The following DNAH9 variants were observed in gnomAD, a reference collection of about 807,000 sequenced individuals.
DNAH9 encodes DNAH9 variant protein.
A neutral mutation model predicts 471.6 loss-of-function variants in DNAH9; 345 were observed. That is an observed-to-expected ratio of 0.73 (90% CI 0.67 to 0.80). The LOEUF is 0.80. DNAH9 is among the 30% of genes least tolerant of loss of function. DNAH9 has a pLI of 0.00. For synonymous variants in DNAH9, 2,093 were observed against 2,123.6 expected, an observed-to-expected ratio of 0.99 and a Z score of 0.40; for missense variants, 5,407 against 5,609.2, an observed-to-expected ratio of 0.96 and a Z score of 1.15.
intron 36 of DNAH9, among the ~76,000 whole-genome samples, chr17:11,765,179 A>G (rs910777803): frequency 3.1e-4 from 47 of 152,318 alleles, no homozygotes; most frequent in African/African-American, 1.1e-3. Flanking sequence ...GCATGAATAC[A>G]TGCAAGGTAC....
chr17:11,800,300 C>G (rs1266705082), intron 43 of DNAH9, among the ~76,000 whole-genome samples: 1 of 151,756 alleles, frequency 6.6e-6, no homozygotes, highest in Non-Finnish European at 1.5e-5. Flanking sequence ...GTCCCTACAC[C>G]TGCGCCCTGG....
intron 65 of DNAH9, among the ~76,000 whole-genome samples, chr17:11,934,673 T>C (rs1310644203): frequency 6.6e-6 from 1 of 151,978 alleles, no homozygotes; most frequent in East Asian, 1.9e-4. Flanking sequence ...AGGATGGTCT[T>C]GATCTCCTGA....
intron 39 of DNAH9, 64 bp from the exon 40 acceptor site, chr17:11,783,582 T>G (rs937340625): frequency 2.0e-5 from 26 of 1,326,872 alleles, no homozygotes; most frequent in Non-Finnish European, 2.6e-5. Flanking sequence ...TACCGCACCT[T>G]GACAAAGCAC....
chr17:11,749,618 C>G (rs1967065753), intron 32 of DNAH9, among the ~76,000 whole-genome samples: 1 of 151,872 alleles, frequency 6.6e-6, no homozygotes, highest in African/African-American at 2.4e-5. Flanking sequence ...TTTACATTAA[C>G]ATTTTTTATC....
In DNAH9 at chr17:11,875,004, C is replaced by T. The variant is rs1972420416; in HGVS notation, c.10298C>T (p.Ala3433Val). 1 of 1,614,142 alleles carries T rather than the reference C, an allele frequency of 6.2e-7. No individual in the cohort carries two copies. The highest frequency in any genetic ancestry group is 8.5e-7 in the Non-Finnish European group (1 of 1,180,018). ...CCCCTGAGGATGCTGATGGATGATG[C>T]TGACGTGGCTGCCTGGCAGAACGAG... is the stretch of plus-strand genomic sequence containing the variant. ...LDPLRMLMDD[A>V]DVAAWQNEGL... is the part of the protein sequence containing the mutation. The change falls in exon 53 of 69, where the codon GCT (alanine) becomes GTT (valine). Residue 3433 changes from alanine to valine, a missense_variant. This residue lies in a region of DNAH9 where 4,636 missense variants were observed against 4,900.3 expected (regional missense o/e 0.95). Transcript: ENST00000262442.
At chr17:11,722,447 G>A (rs1485887065) in intron 27 of DNAH9, among the ~76,000 whole-genome samples, 1 of 152,198 alleles carries the variant, frequency 6.6e-6, no homozygotes, top group African/African-American at 2.4e-5. Context: ...TCAAACCAGA[G>A]GGAATGAGGA....
chr17:11,653,569 TA>T (rs1486891991), intron 14 of DNAH9, among the ~76,000 whole-genome samples: 1 of 152,186 alleles, frequency 6.6e-6, no homozygotes, highest in Non-Finnish European at 1.5e-5. Flanking sequence ...GAAAGGATTA[TA>T]AATGGCCACC....
intron 67 of DNAH9, among the ~76,000 whole-genome samples, chr17:11,955,699 G>T (rs1309570216): frequency 1.3e-5 from 2 of 152,198 alleles, no homozygotes; most frequent in Non-Finnish European, 2.9e-5. Flanking sequence ...AGAAACCCAT[G>T]TACAGGTTTC....
rs140559648 is a variant in DNAH9 at position 11,631,084 on chromosome 17, C to A, written c.1518+1500C>A. 2.0e-5 allele frequency among the ~76,000 whole-genome samples: 3 copies of A among 151,998 alleles called. No homozygotes were observed. In the East Asian group the frequency reaches 5.8e-4, roughly 30 times the overall value. ...TTTCTGATCTGAACCTGGTTCCTAA[C>A]AGAACACATAGGATAAGGAAAGGAC... On this transcript the variant is annotated intron_variant, in intron 7 of 68. Coordinates refer to ENST00000262442, the MANE Select transcript of DNAH9 (RefSeq NM_001372.4).
At position 11,807,632 on chromosome 17, in the gene DNAH9, G is replaced by C; in HGVS notation, c.8421-100G>C. On this transcript the variant is annotated intron_variant, in intron 43 of 68. Coordinates refer to ENST00000262442, the MANE Select transcript of DNAH9 (RefSeq NM_001372.4). ...TTTCCCACAGCTCAGCCTGTGACGT[G>C]CCTCCAAGGAAGGCCCCTGCTCCCA... 2.3e-6 allele frequency: 3 copies of C among 1,286,276 alleles called. No individual in the cohort carries two copies. The South Asian group carries it at 4.3e-5, about 19-fold the overall frequency. The allele number at this position is 1,286,276 out of a possible 1,614,324, so 79.7% of individuals were successfully genotyped here.
At chr17:11,906,542 G>T (rs11651926) in intron 61 of DNAH9, among the ~76,000 whole-genome samples, 3 of 151,024 alleles carry the variant, frequency 2.0e-5, no homozygotes, top group Admixed American at 1.3e-4. Flanking sequence ...CAGGAGAATC[G>T]CTGGAACCTG....
intron 39 of DNAH9, among the ~76,000 whole-genome samples, chr17:11,781,848 C>CA (rs1393158154): frequency 2.0e-4 from 25 of 122,258 alleles, no homozygotes; most frequent in South Asian, 2.8e-4. Context: ...AAAAAACAAA[C>CA]AAAAAAAAAA....
rs771478866 is a variant in DNAH9, at chr17:11,608,240, C to G, written c.529C>G (p.Leu177Val). Residue 177 changes from leucine to valine, a missense_variant, in exon 2 of 69, where the codon CTT (leucine) becomes GTT (valine). Leu to Val is a conservative substitution (Grantham distance 32). Coordinates refer to ENST00000262442, the MANE Select transcript of DNAH9 (RefSeq NM_001372.4). Reference sequence around the variant, plus strand: ...CCTCCAATGTGACCTCTCAGTTATACTTGAGCAAGTGAAGGGAAAAACTTT... The same window carrying G: ...CCTCCAATGTGACCTCTCAGTTATAGTTGAGCAAGTGAAGGGAAAAACTTT... ...HSLQCDLSVI[L>V]EQVKGKTLLP... 3.7e-6 allele frequency: 6 copies of G among 1,613,860 alleles called. No individual in the cohort carries two copies. In the African/African-American group the frequency reaches 6.7e-5, roughly 18 times the overall value.
intron 52 of DNAH9, among the ~76,000 whole-genome samples, chr17:11,874,107 T>C (rs2150988148): frequency 6.6e-6 from 1 of 152,048 alleles, no homozygotes; most frequent in Non-Finnish European, 1.5e-5. Context: ...TAGCTGGGTG[T>C]GGTGGCAGGC....
Position 11,598,841 on chromosome 17 carries a change from A to G in DNAH9, c.343A>G (p.Ser115Gly). 1 of 1,520,910 alleles carries G rather than the reference A, an allele frequency of 6.6e-7. No homozygotes were observed. The highest frequency in any genetic ancestry group is 2.7e-5 in the East Asian group (1 of 37,660). The allele number at this position is 1,520,910 out of a possible 1,614,324, so 94.2% of individuals were successfully genotyped here. Residue 115 changes from serine (S) to glycine (G), a missense_variant, in exon 1 of 69, where the codon AGC becomes GGC. Ser to Gly is a moderately conservative substitution (Grantham distance 56, BLOSUM62 0). Transcript: ENST00000262442. ...CGGGCCCGAGCCTCCAGGGCCCGAC[A>G]GCTTCCGCGGCGCAGTGGTCTGCGG... ...RTGPEPPGPDSFRGAVVCGDL... is the reference protein window; with the variant it reads ...RTGPEPPGPDGFRGAVVCGDL...
At chr17:11,691,629 TTTTAC>T (rs2074333165) in intron 20 of DNAH9, among the ~76,000 whole-genome samples, 2 of 152,322 alleles carry the variant, frequency 1.3e-5, no homozygotes, top group African/African-American at 4.8e-5. Context: ...ATATACATAT[TTTTAC>T]ATAATTGCTC....
rs770227209 is a variant in DNAH9, at chr17:11,793,550, T to C, written c.8109T>C (p.Leu2703=). ...SVECVKSTWD[L]IRLYLHESNR... is the part of the protein sequence containing the mutation. The stretch of plus-strand genomic sequence containing the variant: ...AATGTGTGAAATCCACATGGGATCT[T>C]ATAAGGCTCTATCTGCATGAATCAA... The change falls in exon 42 of 69, where the codon CTT becomes CTC. Residue 2703 remains leucine (L), a synonymous_variant. Transcript: ENST00000262442. The C allele has an allele frequency of 1.9e-6, 3 of 1,614,080 alleles. No individual in the cohort carries two copies. Among genetic ancestry groups the C allele is most frequent in the South Asian group, 1.1e-5 (1 of 91,056 alleles).
Position 11,871,660 on chromosome 17 carries a change from G to A in DNAH9, c.10116G>A (p.Gln3372=). 4 of 1,614,206 alleles carry A rather than the reference G, an allele frequency of 2.5e-6. No individual in the cohort carries two copies. The highest frequency in any genetic ancestry group is 3.3e-4 in the Middle Eastern group (2 of 6,062). The part of the protein sequence containing the change: ...WADAVQNFKQ[Q]ERTLCGDILL... ...ATGCCGTGCAGAACTTCAAACAGCA[G>A]GAAAGGACGTTATGTGGAGACATTT... Residue 3372 remains glutamine, a synonymous_variant, in exon 52 of 69, where the codon CAG becomes CAA. Transcript: ENST00000262442.
intron 56 of DNAH9, among the ~76,000 whole-genome samples, chr17:11,885,738 A>T (rs1167497266): frequency 6.6e-6 from 1 of 152,142 alleles, no homozygotes; most frequent in Non-Finnish European, 1.5e-5. Flanking sequence ...TTCTCAGTTC[A>T]TGAGATGCTA....
Sources: allele counts gnomAD v4.1 joint callset (sites outside exome capture counted in the v4.1 genomes callset), GRCh38; gene constraint gnomAD v4.1.1; regional missense constraint gnomAD v4.1.1; transcripts MANE v1.5; gene names NCBI Gene and HGNC (gene_info 2026-07-23, HGNC 2026-07-21).